The following TFDP1 variants were observed in gnomAD, a reference collection of about 807,000 sequenced individuals.
TFDP1 encodes transcription factor Dp-1.
A neutral mutation model predicts 48.0 loss-of-function variants in TFDP1; 6 were observed. The observed-to-expected ratio is 0.13, with a 90% CI of 0.07 to 0.25. The LOEUF (loss-of-function observed/expected upper bound fraction) is 0.25, where lower values mean the gene tolerates loss of function less well. Ranked by LOEUF, TFDP1 falls within the 10% of genes least tolerant of loss-of-function variation. TFDP1 has a pLI of 1.00. For missense variants in TFDP1, 335 were observed against 543.0 expected (o/e 0.62, Z 3.81); for synonymous variants, 201 against 211.6 (o/e 0.95, Z 0.44).
intron 8 of TFDP1, among the ~76,000 whole-genome samples, chr13:113,635,384 G>GCCAGGTGGGGATAGAC (rs2049458370): frequency 6.6e-6 from 1 of 152,184 alleles, no homozygotes; most frequent in East Asian, 1.9e-4. Context: ...CTTAGGACCT[G>GCCAGGTGGGGATAGAC]CCAGGTGGGG....
chr13:113,621,457 C>A (rs776606024), intron 3 of TFDP1, among the ~76,000 whole-genome samples: 4 of 152,176 alleles, frequency 2.6e-5, no homozygotes, highest in Non-Finnish European at 5.9e-5. Flanking sequence ...AATGGTTATT[C>A]CAGATATAGA....
At chr13:113,604,733 G>A (rs2048522963) in intron 2 of TFDP1, among the ~76,000 whole-genome samples, 1 of 152,210 alleles carries the variant, frequency 6.6e-6, no homozygotes, top group African/African-American at 2.4e-5. Context: ...GTAGTTCTGT[G>A]TCATAGGAGC....
rs368470679 is a variant in TFDP1, at chr13:113,634,339, A to G, written c.619-195A>G. ...TCCAAGAAATGAGAGGAAAGGGGAGAAGGTATAGTTTAGAAATGGAAAAAA... is the reference window on the plus strand; with the variant it reads ...TCCAAGAAATGAGAGGAAAGGGGAGGAGGTATAGTTTAGAAATGGAAAAAA... On this transcript the variant is annotated intron_variant, in intron 7 of 11. Transcript: ENST00000375370. The G allele has an allele frequency of 1.1e-4, 72 of 635,254 alleles. No homozygotes were observed. The African/African-American group carries it at 1.2e-3, about 10-fold the overall frequency. 39.4% of individuals were successfully genotyped at this position (635,254 alleles called of 1,614,324 possible).
chr13:113,592,444 A>G (rs2048168920), intron 2 of TFDP1, among the ~76,000 whole-genome samples: 1 of 152,244 alleles, frequency 6.6e-6, no homozygotes, highest in African/African-American at 2.4e-5. Context: ...GGCGTGAGCC[A>G]CCGCGCCTGG....
At chr13:113,638,849 A>G (rs991304722) in intron 11 of TFDP1, among the ~76,000 whole-genome samples, 1 of 152,208 alleles carries the variant, frequency 6.6e-6, no homozygotes, top group Non-Finnish European at 1.5e-5. Flanking sequence ...CTTTATATTA[A>G]TCTTAAGTGT....
At chr13:113,625,838 G>A (rs1242239297) in intron 4 of TFDP1, among the ~76,000 whole-genome samples, 1 of 121,504 alleles carries the variant, frequency 8.2e-6, no homozygotes, top group Admixed American at 8.6e-5. Context: ...GGTGTCTCAC[G>A]CGTCCTCAGG....
intron 10 of TFDP1, 125 bp from the exon 11 acceptor site, chr13:113,637,693 G>A (rs754591954): frequency 1.0e-5 from 16 of 1,568,742 alleles, no homozygotes; most frequent in South Asian, 9.3e-5. Flanking sequence ...CTGGACAAGC[G>A]AAGGATATCC....
At position 113,623,333 on chromosome 13, in the gene TFDP1, G is replaced by A. The variant is rs749358296; in HGVS notation, c.186+47G>A. 9.1e-6 allele frequency: 14 copies of A among 1,534,016 alleles called. No individual in the cohort carries two copies. The highest frequency in any genetic ancestry group is 1.4e-5 in the African/African-American group (1 of 72,948). On this transcript the variant is annotated intron_variant, in intron 4 of 11. Transcript: ENST00000375370. This position sits in a 1 kb window ranked among gnomAD's most constrained non-coding sequence, Gnocchi z 5.2. Reference sequence around the variant, plus strand: ...ACAGCCGGGATCTCGGTGTGAGGTCGGGATCGGATGAGCCGTGTGGTTGGG... The same window carrying A: ...ACAGCCGGGATCTCGGTGTGAGGTCAGGATCGGATGAGCCGTGTGGTTGGG...
intron 3 of TFDP1, among the ~76,000 whole-genome samples, chr13:113,614,449 G>C (rs951553317): frequency 2.6e-5 from 4 of 152,176 alleles, no homozygotes; most frequent in African/African-American, 9.6e-5. Flanking sequence ...GCAAGGCTCT[G>C]CCTTCCTCCG....
chr13:113,603,193 C>T (rs1014510076), intron 2 of TFDP1, among the ~76,000 whole-genome samples: 4 of 152,198 alleles, frequency 2.6e-5, no homozygotes, highest in Admixed American at 1.3e-4. Flanking sequence ...GTGTATGCCC[C>T]ACCTGGCTGC....
chr13:113,614,905 C>T (rs1005584955), intron 3 of TFDP1, among the ~76,000 whole-genome samples: 1 of 152,152 alleles, frequency 6.6e-6, no homozygotes. Context: ...TTAGACGAGG[C>T]CCACCTGCAT....
chr13:113,613,155 T>C (rs2048748681), intron 3 of TFDP1, among the ~76,000 whole-genome samples: 1 of 152,180 alleles, frequency 6.6e-6, no homozygotes, highest in Non-Finnish European at 1.5e-5. Flanking sequence ...TAGCTGGGAT[T>C]AGAGGTGCCC....
chr13:113,596,373 G>A (rs1332569891), intron 2 of TFDP1, among the ~76,000 whole-genome samples: 1 of 152,190 alleles, frequency 6.6e-6, no homozygotes, highest in Non-Finnish European at 1.5e-5. Flanking sequence ...GACTCCGGGA[G>A]TCGTTTTTAA....
At chr13:113,625,352 C>T (rs1407599266) in intron 4 of TFDP1, among the ~76,000 whole-genome samples, 4 of 131,028 alleles carry the variant, frequency 3.1e-5, no homozygotes, top group African/African-American at 9.3e-5. Context: ...CCTCAGGCGT[C>T]TCTCACGTGT....
In TFDP1 at chr13:113,607,462, G is replaced by A. The variant is rs1161593342; in HGVS notation, c.13-3534G>A. ...TTCCTGGAGCAAAATGATGCTTGTG[G>A]CAGACACAGTTGGAACCACAGACGA... On this transcript the variant is annotated intron_variant, in intron 2 of 11. Coordinates refer to ENST00000375370, the MANE Select transcript of TFDP1 (RefSeq NM_007111.5). The surrounding 1 kb of genome is among the most constrained non-coding windows in gnomAD (Gnocchi z 5.2). Among the ~76,000 whole-genome samples the A allele has an allele frequency of 6.6e-6, 1 of 152,220 alleles. No homozygotes were observed. The highest frequency in any genetic ancestry group is 2.4e-5 in the African/African-American group (1 of 41,444).
intron 2 of TFDP1, among the ~76,000 whole-genome samples, chr13:113,594,347 G>A (rs866508802): frequency 2.0e-5 from 3 of 150,316 alleles, no homozygotes; most frequent in Non-Finnish European, 3.0e-5. Context: ...CTGTGCACGC[G>A]TCCTCAGCTA....
rs917045151 is a variant in TFDP1 at position 113,598,819 on chromosome 13, T to C, written c.13-12177T>C. Among the ~76,000 whole-genome samples, 2 of 152,166 alleles carry C rather than the reference T, an allele frequency of 1.3e-5. No homozygotes were observed. Among genetic ancestry groups the C allele is most frequent in the African/African-American group, 2.4e-5 (1 of 41,436 alleles). ...GGGTAGCCAGCTTCCTCTGACTCTT[T>C]CTTAGGGTGATGTTGGGCACCACCC... On this transcript the variant is annotated intron_variant, in intron 2 of 11. Coordinates refer to ENST00000375370, the MANE Select transcript of TFDP1 (RefSeq NM_007111.5). The surrounding 1 kb of genome is among the most constrained non-coding windows in gnomAD (Gnocchi z 4.2).
At chr13:113,588,544 T>C (rs1050555248) in intron 2 of TFDP1, among the ~76,000 whole-genome samples, 1 of 152,208 alleles carries the variant, frequency 6.6e-6, no homozygotes, top group African/African-American at 2.4e-5. Context: ...GGGTGTCATC[T>C]TTGAACAGCA....
chr13:113,622,479 C>G (rs2049019316), intron 3 of TFDP1, among the ~76,000 whole-genome samples: 1 of 152,234 alleles, frequency 6.6e-6, no homozygotes, highest in African/African-American at 2.4e-5. Context: ...TCGCTACCAC[C>G]TGGTTTACGG....
Sources: gnomAD v4.1 joint callset for allele counts (sites outside exome capture counted in the v4.1 genomes callset) on GRCh38, gnomAD v4.1.1 for gene constraint, Gnocchi (gnomAD v3.1) non-coding constraint, MANE v1.5 for transcripts, NCBI Gene and HGNC (gene_info 2026-07-23, HGNC 2026-07-21) for gene names.